RFX2: variants seen among roughly 807,000 people sequenced by gnomAD.
RFX2 encodes the protein regulatory factor X2.
RFX2 carries 20 observed loss-of-function variants against 87.8 expected under a neutral mutation model. The observed-to-expected ratio is 0.23, with a 90% CI of 0.16 to 0.33. The LOEUF (loss-of-function observed/expected upper bound fraction) is 0.33, where lower values mean the gene tolerates loss of function less well. Among genes scored for constraint, RFX2 ranks in the 10% least tolerant of loss-of-function variants. The probability of loss-of-function intolerance (pLI) is 1.00; values close to 1 mark genes in which losing one functional copy is unlikely to be tolerated. For synonymous variants in RFX2, 397 were observed against 431.3 expected, an observed-to-expected ratio of 0.92 and a Z score of 0.98; for missense variants, 767 against 1,012.3, an observed-to-expected ratio of 0.76 and a Z score of 3.29.
intron 1 of RFX2, among the ~76,000 whole-genome samples, chr19:6,089,572 C>A (rs1428643664): frequency 6.6e-6 from 1 of 152,156 alleles, no homozygotes; most frequent in Non-Finnish European, 1.5e-5. Flanking sequence ...GGATTAGGGT[C>A]CTTGCAAAAG....
At position 6,013,202 on chromosome 19, in the gene RFX2, T is replaced by C; in HGVS notation, c.780-97A>G. 1.6e-6 allele frequency: 2 copies of C among 1,289,860 alleles called. No individual in the cohort carries two copies. The highest frequency in any genetic ancestry group is 2.6e-5 in the Admixed American group (1 of 38,052). 79.9% of individuals were successfully genotyped at this position (1,289,860 alleles called of 1,614,324 possible). A position where few individuals can be genotyped will look rare whatever the true frequency, so the allele number is the denominator to read the frequency against. The stretch of plus-strand genomic sequence containing the variant: ...TTTCTTTCTTTCTTCTTTTTTTTTT[T>C]TGAGACAGAATCTCATTCTGTCGCC... On this transcript the variant is annotated intron_variant, in intron 7 of 17. Transcript: ENST00000303657. The surrounding 1 kb of genome is among the most constrained non-coding windows in gnomAD (Gnocchi z 4.1).
chr19:6,071,278 TGA>T (rs894419312), intron 1 of RFX2, among the ~76,000 whole-genome samples: 1 of 152,184 alleles, frequency 6.6e-6, no homozygotes, highest in East Asian at 1.9e-4. Flanking sequence ...AATCTTGCTG[TGA>T]GAGTTTGGGA....
At chr19:6,093,256 C>T (rs892350022) in intron 1 of RFX2, among the ~76,000 whole-genome samples, 1 of 152,114 alleles carries the variant, frequency 6.6e-6, no homozygotes, top group African/African-American at 2.4e-5. Context: ...TAACTAAGGC[C>T]GGGTGCGGTG....
Position 6,020,787 on chromosome 19 carries a change from T to C in RFX2, c.598-4516A>G, listed in dbSNP as rs1389155438. On this transcript the variant is annotated intron_variant, in intron 6 of 17. Transcript: ENST00000303657. This position sits in a 1 kb window ranked among gnomAD's most constrained non-coding sequence, Gnocchi z 5.3. ...CTGCAGTCTGCTTTGTCTGCTGATA[T>C]TTGCATTCTTTCTGTGTCAATATCA... 6.6e-6 allele frequency among the ~76,000 whole-genome samples: 1 copy of C among 152,260 alleles called. No homozygotes were observed. The highest frequency in any genetic ancestry group is 1.5e-5 in the Non-Finnish European group (1 of 68,054).
chr19:6,066,661 C>A (rs2087517922), intron 1 of RFX2, among the ~76,000 whole-genome samples: 1 of 152,190 alleles, frequency 6.6e-6, no homozygotes. Flanking sequence ...TCAAGCAGAT[C>A]CCGAGTGGAT....
At position 6,101,359 on chromosome 19, in the gene RFX2, G is replaced by GA; in HGVS notation, c.-9+9033dup. Among the ~76,000 whole-genome samples, 1 of 152,318 alleles carries GA rather than the reference G, an allele frequency of 6.6e-6. No individual in the cohort carries two copies. Among genetic ancestry groups the GA allele is most frequent in the Non-Finnish European group, 1.5e-5 (1 of 68,032 alleles). ...CTACATCTGTCTGTATGTATTCTGA[G>GA]AAGGACAGGAGAGGTGGGAAAAAGG... On this transcript the variant is annotated intron_variant, in intron 1 of 17. Transcript: ENST00000303657. The surrounding 1 kb of genome is among the most constrained non-coding windows in gnomAD (Gnocchi z 4.9).
At chr19:6,086,865 C>T (rs1352017601) in intron 1 of RFX2, among the ~76,000 whole-genome samples, 2 of 152,192 alleles carry the variant, frequency 1.3e-5, no homozygotes, top group East Asian at 1.9e-4. Flanking sequence ...TTACTACTAA[C>T]GTAGATTGTC....
At chr19:6,080,502 G>C (rs755821152) in intron 1 of RFX2, among the ~76,000 whole-genome samples, 1 of 152,122 alleles carries the variant, frequency 6.6e-6, no homozygotes, top group Admixed American at 6.5e-5. Flanking sequence ...GTAGAGATCC[G>C]GGCTGTGGTG....
At position 6,044,257 on chromosome 19, in the gene RFX2, G is replaced by T; in HGVS notation, c.116C>A (p.Ser39Tyr). The change falls in exon 3 of 18, where the codon TCC (serine) becomes TAC (tyrosine). Residue 39 changes from serine (S) to tyrosine (Y), a missense_variant. Ser to Tyr is a moderately radical substitution (Grantham distance 144). Coordinates refer to ENST00000303657, the MANE Select transcript of RFX2 (RefSeq NM_000635.4). This position sits in a 1 kb window ranked among gnomAD's most constrained non-coding sequence, Gnocchi z 5.3. Reference sequence around the variant, plus strand: ...CTGCATCTGGGCCCCTTTGGGATTGGAGCTGGCTGCCTGGACCAACACCCT... The same window carrying T: ...CTGCATCTGGGCCCCTTTGGGATTGTAGCTGGCTGCCTGGACCAACACCCT... The part of the protein sequence containing the change: ...PQRVLVQAAS[S>Y]NPKGAQMQPI... The T allele has an allele frequency of 6.4e-7, 1 of 1,571,716 alleles. No individual in the cohort carries two copies. The highest frequency in any genetic ancestry group is 2.3e-5 in the East Asian group (1 of 42,636).
In RFX2 at chr19:6,009,674, T is replaced by C. The variant is rs566411303; in HGVS notation, c.1015+462A>G. 2.6e-5 allele frequency among the ~76,000 whole-genome samples: 4 copies of C among 152,294 alleles called. No individual in the cohort carries two copies. In the South Asian group the frequency reaches 8.3e-4, roughly 32 times the overall value. On this transcript the variant is annotated intron_variant, in intron 9 of 17. Coordinates refer to ENST00000303657, the MANE Select transcript of RFX2 (RefSeq NM_000635.4). ...ATGGCTCACTGCAGCCTCGAACTTC[T>C]GGGCTCAAGTGATCCTCCTGCCTCA...
At position 5,999,984 on chromosome 19, in the gene RFX2, A is replaced by ATT. The variant is rs60431255; in HGVS notation, c.1859+1829_1859+1830dup. 3.5e-5 allele frequency among the ~76,000 whole-genome samples: 5 copies of ATT among 142,042 alleles called. No homozygotes were observed. Among genetic ancestry groups the ATT allele is most frequent in the Admixed American group, 7.0e-5 (1 of 14,188 alleles). 93.2% of individuals were successfully genotyped at this position (142,042 alleles called of 152,430 possible). A position where few individuals can be genotyped will look rare whatever the true frequency, so the allele number is the denominator to read the frequency against. Reference sequence around the variant, plus strand: ...CTGAGGGGTCAGCAAACTTGTTCTTATTTTTTTTTTTTTTCTTGAGATGGA... The same window carrying ATT: ...CTGAGGGGTCAGCAAACTTGTTCTTATTTTTTTTTTTTTTTTCTTGAGATGGA... On this transcript the variant is annotated intron_variant, in intron 15 of 17. Coordinates refer to ENST00000303657, the MANE Select transcript of RFX2 (RefSeq NM_000635.4). The surrounding 1 kb of genome is among the most constrained non-coding windows in gnomAD (Gnocchi z 4.1).
intron 1 of RFX2, chr19:6,073,060 A>C (rs868840252): frequency 1.1e-5 from 5 of 461,874 alleles, no homozygotes. Context: ...GCTCACTGCA[A>C]CCTCCGCCTT....
intron 1 of RFX2, among the ~76,000 whole-genome samples, chr19:6,051,018 C>T (rs2087260131): frequency 6.6e-6 from 1 of 152,114 alleles, no homozygotes; most frequent in Admixed American, 6.5e-5. Flanking sequence ...GGGGAAAACC[C>T]TATCAGCCCA....
chr19:6,012,074 T>C lies in RFX2; in HGVS notation c.899+912A>G, dbSNP rs1004353170. The C allele has an allele frequency of 6.6e-6, 1 of 152,276 alleles. No individual in the cohort carries two copies. Among genetic ancestry groups the C allele is most frequent in the Non-Finnish European group, 1.5e-5 (1 of 68,050 alleles). The allele number at this position is 152,276 out of a possible 1,614,324, so 9.4% of individuals were successfully genotyped here. Reference sequence around the variant, plus strand: ...CAAATTGAACAGTCATGACAGAGACTGTCTGGCCTGCAAGGCTAAGATATT... The same window carrying C: ...CAAATTGAACAGTCATGACAGAGACCGTCTGGCCTGCAAGGCTAAGATATT... On this transcript the variant is annotated intron_variant, in intron 8 of 17. Coordinates refer to ENST00000303657, the MANE Select transcript of RFX2 (RefSeq NM_000635.4). The surrounding 1 kb of genome is among the most constrained non-coding windows in gnomAD (Gnocchi z 4.6).
chr19:6,076,652 C>G (rs1173297265), intron 1 of RFX2, among the ~76,000 whole-genome samples: 2 of 152,226 alleles, frequency 1.3e-5, no homozygotes, highest in Non-Finnish European at 2.9e-5. Flanking sequence ...ACGGAAAATG[C>G]CCATAAATGT....
intron 1 of RFX2, among the ~76,000 whole-genome samples, chr19:6,062,022 G>A (rs2087441115): frequency 6.6e-6 from 1 of 152,124 alleles, no homozygotes; most frequent in African/African-American, 2.4e-5. Flanking sequence ...GGGGGCCGGG[G>A]AAGGTGGCTG....
intron 1 of RFX2, chr19:6,073,131 C>G (rs951858731): frequency 4.5e-6 from 2 of 444,078 alleles, no homozygotes; most frequent in African/African-American, 4.1e-5. Flanking sequence ...AGGCTCCCAC[C>G]ACCATGCCTG....
chr19:6,002,081 C>T lies in RFX2; in HGVS notation c.1651-58G>A, dbSNP rs2086497104. The T allele has an allele frequency of 8.2e-6, 12 of 1,455,578 alleles. No individual in the cohort carries two copies. The highest frequency in any genetic ancestry group is 1.1e-5 in the Non-Finnish European group (12 of 1,077,580). 90.2% of individuals were successfully genotyped at this position (1,455,578 alleles called of 1,614,324 possible). A position where few individuals can be genotyped will look rare whatever the true frequency, so the allele number is the denominator to read the frequency against. ...GTGGACCCCCAGCCACGGCAGCCCT[C>T]CCTGGACCTAGCCATGCTCAGGGCG... is the stretch of plus-strand genomic sequence containing the variant. On this transcript the variant is annotated intron_variant, in intron 14 of 17. Transcript: ENST00000303657. This position sits in a 1 kb window ranked among gnomAD's most constrained non-coding sequence, Gnocchi z 6.7.
In RFX2 at chr19:6,022,676, G is replaced by A. The variant is rs529736377; in HGVS notation, c.597+3487C>T. Among the ~76,000 whole-genome samples the A allele has an allele frequency of 2.0e-5, 3 of 152,324 alleles. No individual in the cohort carries two copies. The highest frequency in any genetic ancestry group is 2.1e-4 in the South Asian group (1 of 4,834). On this transcript the variant is annotated intron_variant, in intron 6 of 17. Coordinates refer to ENST00000303657, the MANE Select transcript of RFX2 (RefSeq NM_000635.4). This position sits in a 1 kb window ranked among gnomAD's most constrained non-coding sequence, Gnocchi z 6.2. ...AAGAGCTAATCCCCATTTTCACGGC[G>A]CCATATCATGCCCTTTTCCAGTTTG...
Sources: gnomAD v4.1 joint callset for allele counts (sites outside exome capture counted in the v4.1 genomes callset) on GRCh38, gnomAD v4.1.1 for gene constraint, Gnocchi (gnomAD v3.1) non-coding constraint, MANE v1.5 for transcripts, NCBI Gene and HGNC (gene_info 2026-07-23, HGNC 2026-07-21) for gene names.